CCDC171: variants seen among roughly 807,000 people sequenced by gnomAD.
The protein encoded by CCDC171 is coiled-coil domain-containing protein 171.
CCDC171 carries 177 observed loss-of-function variants against 168.2 expected under a neutral mutation model. The observed-to-expected ratio is 1.05, with a 90% CI of 0.93 to 1.19. The LOEUF (loss-of-function observed/expected upper bound fraction) is 1.19, where lower values mean the gene tolerates loss of function less well. CCDC171 is among the 50% of genes most tolerant of loss of function. The pLI, the probability that CCDC171 is intolerant of heterozygous loss-of-function variation, is 0.00. For synonymous variants in CCDC171, 687 were observed against 540.8 expected (o/e 1.27, Z -3.75); for missense variants, 1,991 against 1,539.0 (o/e 1.29, Z -4.91).
chr9:15,672,370 T>C (rs749238863), intron 9 of CCDC171, among the ~76,000 whole-genome samples: 19 of 152,234 alleles, frequency 1.2e-4, no homozygotes, highest in Non-Finnish European at 2.4e-4. Flanking sequence ...TCCCATTTTG[T>C]CCATTTTGAC....
intron 7 of CCDC171, among the ~76,000 whole-genome samples, chr9:15,625,209 G>T (rs1362043151): frequency 3.3e-5 from 5 of 152,144 alleles, no homozygotes; most frequent in Non-Finnish European, 5.9e-5. Context: ...GTAGATTCTG[G>T]ATATTAGCCT....
chr9:15,834,514 T>C (rs986110107), intron 21 of CCDC171, among the ~76,000 whole-genome samples: 1 of 152,224 alleles, frequency 6.6e-6, no homozygotes, highest in Admixed American at 6.5e-5. Flanking sequence ...GAAAACACCA[T>C]TATTTATTAA....
intron 4 of CCDC171, among the ~76,000 whole-genome samples, chr9:15,582,352 T>C (rs373083695): frequency 0.052 from 7,978 of 152,216 alleles, 266 homozygotes; most frequent in Non-Finnish European, 0.078. Context: ...TTAGTTAAAC[T>C]GTTGTGGAAG....
intron 5 of CCDC171, among the ~76,000 whole-genome samples, chr9:15,592,484 A>C (rs2042072206): frequency 6.6e-6 from 1 of 152,232 alleles, no homozygotes; most frequent in Non-Finnish European, 1.5e-5. Flanking sequence ...TAAAAACTGT[A>C]AAAGTTTTCG....
intron 23 of CCDC171, among the ~76,000 whole-genome samples, chr9:15,873,125 T>G (rs529201978): frequency 5.3e-5 from 8 of 152,176 alleles, no homozygotes; most frequent in African/African-American, 7.2e-5. Flanking sequence ...TCAGATCAGC[T>G]TGGGACATAT....
the CCDC171 span, among the ~76,000 whole-genome samples, chr9:16,095,270 C>A: frequency 3.9e-5 from 6 of 152,282 alleles, no homozygotes; most frequent in East Asian, 1.2e-3. Context: ...ACACAATCGC[C>A]TTCGGTGAGC....
intron 6 of CCDC171, among the ~76,000 whole-genome samples, chr9:15,600,941 C>T (rs765087231): frequency 9.9e-5 from 15 of 152,280 alleles, no homozygotes; most frequent in South Asian, 2.1e-4. Flanking sequence ...GAGCCAAGCG[C>T]GGGATACAAT....
rs1185434267 is a variant in CCDC171 at position 15,820,426 on chromosome 9, A to G, written c.3268-26276A>G. On this transcript the variant is annotated intron_variant, in intron 21 of 25. Coordinates refer to ENST00000380701, the MANE Select transcript of CCDC171 (RefSeq NM_173550.4). ...AGCTGGTTTTTTGAAAAGATCAACAAAATTGATAGACCACTAGCAAGACTA... is the reference window on the plus strand; with the variant it reads ...AGCTGGTTTTTTGAAAAGATCAACAGAATTGATAGACCACTAGCAAGACTA... Among the ~76,000 whole-genome samples, 10 of 115,664 alleles carry G rather than the reference A, an allele frequency of 8.6e-5. 2 individuals carry two copies. In the East Asian group the frequency reaches 2.1e-3, roughly 25 times the overall value. 75.9% of individuals were successfully genotyped at this position (115,664 alleles called of 152,430 possible).
chr9:15,981,280 A>T (rs1831788660), intron 3 of CCDC171, among the ~76,000 whole-genome samples: 1 of 148,788 alleles, frequency 6.7e-6, no homozygotes, highest in Non-Finnish European at 1.5e-5. Flanking sequence ...ATGGCTTTAT[A>T]TGCAAAGAGA....
chr9:16,005,640 A>G (rs149820657), intron 3 of CCDC171, among the ~76,000 whole-genome samples: 77 of 152,368 alleles, frequency 5.1e-4, no homozygotes, highest in African/African-American at 1.7e-3. Context: ...CAGTATAGCA[A>G]CTATTGACTT....
At chr9:16,066,668 G>A in the CCDC171 span, among the ~76,000 whole-genome samples, 1 of 142,936 alleles carries the variant, frequency 7.0e-6, no homozygotes, top group African/African-American at 2.6e-5. Flanking sequence ...GTATCCATGT[G>A]ATCTCATTGT....
chr9:15,734,689 A>G (rs908970487), intron 16 of CCDC171, among the ~76,000 whole-genome samples: 1 of 152,182 alleles, frequency 6.6e-6, no homozygotes. Flanking sequence ...AATACATATT[A>G]TAGGACCTGT....
At chr9:15,933,614 T>A (rs1210278440) in intron 25 of CCDC171, among the ~76,000 whole-genome samples, 1 of 152,016 alleles carries the variant, frequency 6.6e-6, no homozygotes, top group Non-Finnish European at 1.5e-5. Flanking sequence ...TCTTCTTTTT[T>A]AATGTAGGTG....
At position 15,594,096 on chromosome 9, in the gene CCDC171, A is replaced by C; in HGVS notation, c.599A>C (p.Glu200Ala). The C allele has an allele frequency of 6.4e-7, 1 of 1,572,462 alleles. No homozygotes were observed. The highest frequency in any genetic ancestry group is 8.7e-7 in the Non-Finnish European group (1 of 1,145,802). The change falls in exon 6 of 26, where the codon GAG becomes GCG. Residue 200 changes from glutamate to alanine, a missense_variant. Transcript: ENST00000380701. ...EKNEMESHIR[E>A]TALEEFRLQE... ...AATGAGATGGAGTCTCATATCAGGG[A>C]GACAGCATTGGAGGAGTTTAGATTA...
chr9:15,898,951 G>T (rs1821272727), intron 24 of CCDC171, among the ~76,000 whole-genome samples: 1 of 152,060 alleles, frequency 6.6e-6, no homozygotes, highest in Admixed American at 6.5e-5. Flanking sequence ...CAAGTAACCA[G>T]TTTATGGACA....
At chr9:15,789,957 T>G (rs1300977406) in intron 21 of CCDC171, among the ~76,000 whole-genome samples, 1 of 152,130 alleles carries the variant, frequency 6.6e-6, no homozygotes, top group African/African-American at 2.4e-5. Context: ...CTGCATAGTA[T>G]TCCATGGTGT....
chr9:16,063,748 T>C (rs1256141542), downstream of CCDC171, among the ~76,000 whole-genome samples: 1 of 152,180 alleles, frequency 6.6e-6, no homozygotes, highest in East Asian at 1.9e-4. Flanking sequence ...ACTTTCCCCA[T>C]TATAACATTT....
At chr9:15,890,704 G>A (rs1222501608) in intron 24 of CCDC171, among the ~76,000 whole-genome samples, 2 of 151,950 alleles carry the variant, frequency 1.3e-5, no homozygotes, top group Non-Finnish European at 2.9e-5. Context: ...AAACAAAATG[G>A]CTATTTATTA....
chr9:16,046,926 TC>T (rs1833671563), intron 1 of CCDC171, among the ~76,000 whole-genome samples: 1 of 152,172 alleles, frequency 6.6e-6, no homozygotes, highest in Non-Finnish European at 1.5e-5. Context: ...CTTCAGTCGT[TC>T]CCCAGGCATC....
Sources: allele counts gnomAD v4.1 joint callset (sites outside exome capture counted in the v4.1 genomes callset), GRCh38; gene constraint gnomAD v4.1.1; transcripts MANE v1.5; gene names NCBI Gene and HGNC (gene_info 2026-07-23, HGNC 2026-07-21).